ARL15: variants seen among roughly 807,000 people sequenced by gnomAD.
ARL15 encodes the protein ARF like GTPase 15.
A neutral mutation model predicts 25.2 loss-of-function variants in ARL15; 19 were observed. The observed-to-expected ratio is 0.75, with a 90% CI of 0.53 to 1.10. ARL15 has a LOEUF of 1.10. ARL15 is among the 50% of genes least tolerant of loss of function. The pLI, the probability that ARL15 is intolerant of heterozygous loss-of-function variation, is 0.00. For missense variants in ARL15, 220 were observed against 246.0 expected, an observed-to-expected ratio of 0.89 and a Z score of 0.71; for synonymous variants, 94 against 86.8, an observed-to-expected ratio of 1.08 and a Z score of -0.46.
Position 53,891,163 on chromosome 5 carries a change from CCT to C in ARL15, c.463-4452_463-4451del, listed in dbSNP as rs555097644. Among the ~76,000 whole-genome samples the C allele has an allele frequency of 3.4e-3, 513 of 152,244 alleles. 2 individuals are homozygous for C. Among genetic ancestry groups the C allele is most frequent in the African/African-American group, 0.012 (498 of 41,538 alleles). ...TTCTAATGGTAGGCTGCTTGTTTTTCCTCTGTTTGTTATTAAACCAGTAGTGT... is the reference window on the plus strand; with the variant it reads ...TTCTAATGGTAGGCTGCTTGTTTTTCCTGTTTGTTATTAAACCAGTAGTGT... On this transcript the variant is annotated intron_variant, in intron 4 of 4. Transcript: ENST00000504924.
chr5:53,941,264 G>A (rs1212998384), intron 4 of ARL15, among the ~76,000 whole-genome samples: 3 of 151,986 alleles, frequency 2.0e-5, no homozygotes, highest in Non-Finnish European at 4.4e-5. Flanking sequence ...ACAATAAAAT[G>A]TGCCTGCAAT....
At chr5:54,006,280 T>C (rs1033630246) in intron 4 of ARL15, among the ~76,000 whole-genome samples, 11 of 152,146 alleles carry the variant, frequency 7.2e-5, no homozygotes, top group African/African-American at 2.7e-4. Context: ...TTAGTTCTGC[T>C]TTCCAGAGTG....
chr5:53,970,475 A>G (rs1747705421), intron 4 of ARL15, among the ~76,000 whole-genome samples: 1 of 151,432 alleles, frequency 6.6e-6, no homozygotes, highest in South Asian at 2.1e-4. Flanking sequence ...AGAGAGTGAG[A>G]ATGAGTGAGA....
At chr5:54,305,696 A>T (rs1758738137) in intron 1 of ARL15, among the ~76,000 whole-genome samples, 1 of 152,210 alleles carries the variant, frequency 6.6e-6, no homozygotes, top group Admixed American at 6.5e-5. Context: ...CTAATAATAA[A>T]AGTGAACAAT....
In ARL15 at chr5:54,274,087, C is replaced by T. The variant is rs565465376; in HGVS notation, c.48+36345G>A. Among the ~76,000 whole-genome samples the T allele has an allele frequency of 1.3e-4, 20 of 152,174 alleles. No individual in the cohort carries two copies. The East Asian group carries it at 3.3e-3, about 25-fold the overall frequency. ...GATCAAACTTGAGGACTGCTAGGAT[C>T]GTGAGGCAGGGGAGTGCTGTAGATT... On this transcript the variant is annotated intron_variant, in intron 1 of 4. Coordinates refer to ENST00000504924, the MANE Select transcript of ARL15 (RefSeq NM_019087.3).
At chr5:54,054,658 C>T (rs562843871) in intron 4 of ARL15, among the ~76,000 whole-genome samples, 3 of 152,172 alleles carry the variant, frequency 2.0e-5, no homozygotes, top group East Asian at 1.9e-4. Context: ...GGCGTGGCAG[C>T]GTGCGCCTGT....
At chr5:53,948,250 G>A (rs181381694) in intron 4 of ARL15, among the ~76,000 whole-genome samples, 6 of 152,190 alleles carry the variant, frequency 3.9e-5, no homozygotes. Flanking sequence ...AAATAAAGTT[G>A]GAACTACTGT....
rs1023637586 is a variant in ARL15 at position 53,886,809 on chromosome 5, C to T, written c.463-96G>A. The T allele has an allele frequency of 3.4e-5, 41 of 1,200,264 alleles. 1 individual carries two copies. The African/African-American group carries it at 4.0e-4, about 12-fold the overall frequency. The allele number at this position is 1,200,264 out of a possible 1,614,324, so 74.4% of individuals were successfully genotyped here. On this transcript the variant is annotated intron_variant, in intron 4 of 4. Transcript: ENST00000504924. ...GGGATAAAGTAGGGGAATTTCGAGG[C>T]GGAATTTATACGAACTGTGATGCCT... is the stretch of plus-strand genomic sequence containing the variant.
intron 3 of ARL15, among the ~76,000 whole-genome samples, chr5:54,125,065 T>TTTTTG (rs1554041943): frequency 3.3e-5 from 5 of 151,452 alleles, no homozygotes; most frequent in African/African-American, 1.2e-4. Flanking sequence ...GTAAGCAAGT[T>TTTTTG]TTTTGTTTTG....
intron 4 of ARL15, among the ~76,000 whole-genome samples, chr5:54,110,869 CAAT>C (rs1444264444): frequency 6.6e-6 from 1 of 151,984 alleles, no homozygotes; most frequent in Non-Finnish European, 1.5e-5. Context: ...TTTATGCCAA[CAAT>C]AAGGTACTGA....
chr5:54,178,237 T>C (rs973534901), intron 1 of ARL15, among the ~76,000 whole-genome samples: 1 of 152,216 alleles, frequency 6.6e-6, no homozygotes, highest in Non-Finnish European at 1.5e-5. Flanking sequence ...CTTTGGGACA[T>C]GGCATTTGTT....
intron 3 of ARL15, among the ~76,000 whole-genome samples, chr5:54,127,341 C>G (rs185977062): frequency 6.6e-6 from 1 of 151,952 alleles, no homozygotes; most frequent in Non-Finnish European, 1.5e-5. Context: ...AAAACCAATA[C>G]GCAAAAATCA....
At chr5:53,963,850 TAC>T (rs1747455139) in intron 4 of ARL15, among the ~76,000 whole-genome samples, 3 of 112,204 alleles carry the variant, frequency 2.7e-5, no homozygotes, top group African/African-American at 6.7e-5. Context: ...CACACACACA[TAC>T]ACAGAGTAAC....
intron 1 of ARL15, among the ~76,000 whole-genome samples, chr5:54,301,840 G>A (rs993580896): frequency 5.9e-5 from 9 of 152,204 alleles, no homozygotes; most frequent in Admixed American, 4.6e-4. Flanking sequence ...AGTGGGATAA[G>A]TCCTCAACTC....
At chr5:54,153,740 C>T (rs886818300) in intron 3 of ARL15, among the ~76,000 whole-genome samples, 3 of 152,040 alleles carry the variant, frequency 2.0e-5, no homozygotes, top group Non-Finnish European at 4.4e-5. Context: ...AGGTACCAAA[C>T]GCTATTAAAA....
chr5:54,190,228 T>A (rs1460534483), intron 1 of ARL15, among the ~76,000 whole-genome samples: 4 of 151,922 alleles, frequency 2.6e-5, no homozygotes. Context: ...CCGTTTCTAC[T>A]AAAGATACAA....
intron 4 of ARL15, among the ~76,000 whole-genome samples, chr5:54,085,918 C>CTT (rs112018609): frequency 0.078 from 11,210 of 142,972 alleles, 514 homozygotes; most frequent in Middle Eastern, 0.12. Flanking sequence ...CACACATGAG[C>CTT]TTTTTTTTTT....
At chr5:54,140,185 G>A (rs1753726121) in intron 3 of ARL15, among the ~76,000 whole-genome samples, 1 of 151,128 alleles carries the variant, frequency 6.6e-6, no homozygotes, top group African/African-American at 2.4e-5. Flanking sequence ...GATTATAGTA[G>A]GTCTCTCTTA....
intron 1 of ARL15, among the ~76,000 whole-genome samples, chr5:54,275,306 TC>T (rs1344541676): frequency 6.6e-6 from 1 of 152,162 alleles, no homozygotes; most frequent in African/African-American, 2.4e-5. Flanking sequence ...GTCCCCAATA[TC>T]CATTCTATAT....
Sources: allele counts gnomAD v4.1 joint callset (sites outside exome capture counted in the v4.1 genomes callset), GRCh38; gene constraint gnomAD v4.1.1; transcripts MANE v1.5; gene names NCBI Gene and HGNC (gene_info 2026-07-23, HGNC 2026-07-21).